The following GFOD1 variants were observed in gnomAD, a reference collection of about 807,000 sequenced individuals.
GFOD1 encodes the protein Gfo/Idh/MocA-like oxidoreductase domain containing 1.
A neutral mutation model predicts 25.4 loss-of-function variants in GFOD1; 9 were observed. That is an observed-to-expected ratio of 0.35 (90% CI 0.21 to 0.62). GFOD1 has a LOEUF of 0.62. Among genes scored for constraint, GFOD1 ranks in the 20% least tolerant of loss-of-function variants. The probability of loss-of-function intolerance (pLI) is 0.72; values close to 1 mark genes in which losing one functional copy is unlikely to be tolerated. For synonymous variants in GFOD1, 253 were observed against 245.6 expected (o/e 1.03, Z -0.28); for missense variants, 403 against 556.9 (o/e 0.72, Z 2.78).
intron 1 of GFOD1, among the ~76,000 whole-genome samples, chr6:13,479,950 A>T (rs1462774165): frequency 6.6e-6 from 1 of 152,212 alleles, no homozygotes; most frequent in East Asian, 1.9e-4. Flanking sequence ...GGATGTCAGA[A>T]TGGCTGCTGT....
At chr6:13,431,335 A>G (rs1231091301) in intron 1 of GFOD1, among the ~76,000 whole-genome samples, 1 of 152,178 alleles carries the variant, frequency 6.6e-6, no homozygotes, top group African/African-American at 2.4e-5. Context: ...AATTGTTCCA[A>G]GGTCATTTAG....
intron 1 of GFOD1, among the ~76,000 whole-genome samples, chr6:13,375,370 C>T (rs1785236781): frequency 6.6e-6 from 1 of 152,214 alleles, no homozygotes; most frequent in Admixed American, 6.5e-5. Context: ...AAAAGGAGGG[C>T]TCTGAAGACA....
intron 1 of GFOD1, among the ~76,000 whole-genome samples, chr6:13,418,762 C>A (rs1411730861): frequency 6.6e-6 from 1 of 152,196 alleles, no homozygotes; most frequent in Non-Finnish European, 1.5e-5. Flanking sequence ...GCAGTCCCAG[C>A]AAGGATGGGT....
chr6:13,407,805 G>T, intron 1 of GFOD1: 2 of 256,768 alleles, frequency 7.8e-6, no homozygotes, highest in Non-Finnish European at 1.2e-5. Context: ...TGAGCCACTG[G>T]ATTTCATCAG....
intron 1 of GFOD1, among the ~76,000 whole-genome samples, chr6:13,408,759 A>G (rs1345485112): frequency 6.6e-6 from 1 of 152,148 alleles, no homozygotes; most frequent in East Asian, 1.9e-4. Flanking sequence ...GAATTACTCC[A>G]TTGTTTTTAG....
intron 1 of GFOD1, among the ~76,000 whole-genome samples, chr6:13,425,889 GAAGA>G (rs1235953010): frequency 6.7e-5 from 10 of 149,356 alleles, no homozygotes; most frequent in Non-Finnish European, 8.9e-5. Context: ...AAAAAAAGAA[GAAGA>G]AAGAAAGAAA....
intron 1 of GFOD1, among the ~76,000 whole-genome samples, chr6:13,467,798 A>T (rs1421650898): frequency 6.6e-6 from 1 of 152,226 alleles, no homozygotes; most frequent in Non-Finnish European, 1.5e-5. Context: ...CCAAGAGTCT[A>T]TGGTTTCTCC....
intron 1 of GFOD1, among the ~76,000 whole-genome samples, chr6:13,479,343 T>C (rs1262682093): frequency 1.3e-5 from 2 of 152,200 alleles, no homozygotes; most frequent in African/African-American, 2.4e-5. Context: ...CCCTATATGA[T>C]AGTGTTAGCT....
chr6:13,477,307 G>A (rs1223098274), intron 1 of GFOD1, among the ~76,000 whole-genome samples: 1 of 151,658 alleles, frequency 6.6e-6, no homozygotes, highest in Admixed American at 6.6e-5. Context: ...GGGTTGGCAA[G>A]TCTAAAATGT....
chr6:13,358,025 G>A lies in GFOD1; in HGVS notation c.*6718C>T, dbSNP rs938879275. The A allele has an allele frequency of 6.6e-5, 10 of 152,246 alleles. No homozygotes were observed. Among genetic ancestry groups the A allele is most frequent in the African/African-American group, 2.4e-4 (10 of 41,472 alleles). 9.4% of individuals were successfully genotyped at this position (152,246 alleles called of 1,614,324 possible). On this transcript the variant is annotated 3_prime_UTR_variant, in exon 2 of 2. Coordinates refer to ENST00000379287, the MANE Select transcript of GFOD1 (RefSeq NM_018988.4). ...TCTGGAGCTCCTAGCGGCAGGCACAGGGCTGCTGGAGGCCCGCAGGGAGGG... is the reference window on the plus strand; with the variant it reads ...TCTGGAGCTCCTAGCGGCAGGCACAAGGCTGCTGGAGGCCCGCAGGGAGGG...
At chr6:13,390,783 G>GGAAGGAA (rs1234270175) in intron 1 of GFOD1, among the ~76,000 whole-genome samples, 2 of 113,634 alleles carry the variant, frequency 1.8e-5, no homozygotes, top group African/African-American at 3.6e-5. Flanking sequence ...GAGAGAGAAA[G>GGAAGGAA]GAAGGAAGGA....
Position 13,360,587 on chromosome 6 carries a change from T to A in GFOD1, c.*4156A>T. The A allele has an allele frequency of 2.4e-6, 1 of 412,084 alleles. No individual in the cohort carries two copies. The highest frequency in any genetic ancestry group is 5.0e-6 in the Non-Finnish European group (1 of 200,272). The allele number at this position is 412,084 out of a possible 1,614,324, so 25.5% of individuals were successfully genotyped here. A position where few individuals can be genotyped will look rare whatever the true frequency, so the allele number is the denominator to read the frequency against. The stretch of plus-strand genomic sequence containing the variant: ...ATCCCCAGCCCTGAGGCTTGCTGCA[T>A]CACCTACAATCAAAATGAACATAGG... On this transcript the variant is annotated 3_prime_UTR_variant, in exon 2 of 2. Transcript: ENST00000379287.
chr6:13,464,035 C>T (rs918612656), intron 1 of GFOD1, among the ~76,000 whole-genome samples: 1 of 152,184 alleles, frequency 6.6e-6, no homozygotes, highest in Non-Finnish European at 1.5e-5. Context: ...AAAATTTGTT[C>T]TCCCTGTAAG....
chr6:13,409,171 GA>G (rs752693866), intron 1 of GFOD1, among the ~76,000 whole-genome samples: 3 of 20,584 alleles, frequency 1.5e-4, no homozygotes, highest in African/African-American at 2.3e-4. Context: ...AGAAAGGAAA[GA>G]GAGAGAGAGA....
At chr6:13,414,584 A>G (rs1786134006) in intron 1 of GFOD1, among the ~76,000 whole-genome samples, 1 of 152,144 alleles carries the variant, frequency 6.6e-6, no homozygotes, top group African/African-American at 2.4e-5. Flanking sequence ...CCCTCATGTG[A>G]TCTCTCTGTG....
At chr6:13,393,505 A>G (rs996837079) in intron 1 of GFOD1, among the ~76,000 whole-genome samples, 14 of 151,946 alleles carry the variant, frequency 9.2e-5, no homozygotes, top group African/African-American at 2.2e-4. Context: ...CAGACACAGC[A>G]ACAGCGCAGC....
Position 13,487,075 on chromosome 6 carries a change from C to G in GFOD1, c.-185G>C. 2 of 663,410 alleles carry G rather than the reference C, an allele frequency of 3.0e-6. No homozygotes were observed. Among genetic ancestry groups the G allele is most frequent in the Non-Finnish European group, 5.0e-6 (2 of 398,206 alleles). The allele number at this position is 663,410 out of a possible 1,614,324, so 41.1% of individuals were successfully genotyped here. On this transcript the variant is annotated 5_prime_UTR_variant, in exon 1 of 2. Transcript: ENST00000379287. This position sits in a 1 kb window ranked among gnomAD's most constrained non-coding sequence, Gnocchi z 4.9. ...CACCGAGCTGCAGGCGGAGCAAGCTCGGGGCGCCTCAGAACGGTGACTGCG... is the reference window on the plus strand; with the variant it reads ...CACCGAGCTGCAGGCGGAGCAAGCTGGGGGCGCCTCAGAACGGTGACTGCG...
intron 1 of GFOD1, among the ~76,000 whole-genome samples, chr6:13,377,564 C>G (rs1351980067): frequency 6.6e-6 from 1 of 152,198 alleles, no homozygotes; most frequent in African/African-American, 2.4e-5. Context: ...CTTGGAAGCC[C>G]TTGGACTTCC....
chr6:13,374,604 C>T (rs1041884586), intron 1 of GFOD1, among the ~76,000 whole-genome samples: 2 of 151,160 alleles, frequency 1.3e-5, no homozygotes, highest in African/African-American at 2.4e-5. Flanking sequence ...CCACGCCCAG[C>T]CAAAAATAAG....
Sources: gnomAD v4.1 joint callset for allele counts (sites outside exome capture counted in the v4.1 genomes callset) on GRCh38, gnomAD v4.1.1 for gene constraint, Gnocchi (gnomAD v3.1) non-coding constraint, MANE v1.5 for transcripts, NCBI Gene and HGNC (gene_info 2026-07-23, HGNC 2026-07-21) for gene names.